The following PPP1R3F variants were observed in gnomAD, a reference collection of about 807,000 sequenced individuals.
PPP1R3F encodes protein phosphatase 1, regulatory (inhibitor) subunit 3F.
A neutral mutation model predicts 24.2 loss-of-function variants in PPP1R3F; 29 were observed. The ratio of observed to expected loss-of-function variants is 1.20; its 90% CI spans 0.89 to 1.63. PPP1R3F has a LOEUF of 1.63. Ranked by LOEUF, PPP1R3F falls within the 40% of genes most tolerant of loss-of-function variation. PPP1R3F has a pLI of 0.00. For missense variants in PPP1R3F, 823 were observed against 729.3 expected (o/e 1.13, Z -1.48); for synonymous variants, 363 against 340.1 (o/e 1.07, Z -0.74).
Position 49,270,071 on chromosome X carries a change from G to A in PPP1R3F, c.202G>A (p.Ala68Thr), listed in dbSNP as rs1299785014. Reference protein sequence around the residue: ...GGPGAGKMAAAAGQDGGGGGG... With the variant: ...GGPGAGKMAATAGQDGGGGGG... ...GCCCGGGGCGGGCAAGATGGCGGCGGCGGCCGGGCAAGATGGCGGCGGCGG... is the reference window on the plus strand; with the variant it reads ...GCCCGGGGCGGGCAAGATGGCGGCGACGGCCGGGCAAGATGGCGGCGGCGG... Residue 68 changes from alanine (A) to threonine (T), a missense_variant, in exon 1 of 4, where the codon GCG becomes ACG. Transcript: ENST00000055335. 2.3e-4 allele frequency: 230 copies of A among 992,474 alleles called. 1 individual carries two copies. Among genetic ancestry groups the A allele is most frequent in the Non-Finnish European group, 2.8e-4 (225 of 792,197 alleles). 81.8% of individuals were successfully genotyped at this position (992,474 alleles called of 1,213,427 possible).
chrX:49,289,340 G>A (rs1423799662), downstream of PPP1R3F, among the ~76,000 whole-genome samples: 1 of 111,608 alleles, frequency 9.0e-6, no homozygotes, highest in Non-Finnish European at 1.9e-5. Flanking sequence ...ACAAAAAGGA[G>A]TGAAAACACA....
intron 3 of PPP1R3F, among the ~76,000 whole-genome samples, chrX:49,294,908 CAA>C (rs58639270): frequency 3.2e-3 from 144 of 45,004 alleles, no homozygotes; most frequent in African/African-American, 8.7e-3. Flanking sequence ...GAATATGTCT[CAA>C]AAAAAAAAAA....
In PPP1R3F at chrX:49,281,388, C is replaced by T; in HGVS notation, c.1005-18C>T. On this transcript the variant is annotated intron_variant, in intron 1 of 3. Coordinates refer to ENST00000055335, the MANE Select transcript of PPP1R3F (RefSeq NM_033215.5). ...CAGGGTATTATTAGATCCATGTACT[C>T]TCTCCTCTGCCCTGCAGGCCTGCCG... The T allele has an allele frequency of 1.7e-6, 2 of 1,191,077 alleles. No individual in the cohort carries two copies. The highest frequency in any genetic ancestry group is 2.3e-6 in the Non-Finnish European group (2 of 879,451).
chrX:49,291,330 C>G (rs2066308436), downstream of PPP1R3F, among the ~76,000 whole-genome samples: 1 of 102,176 alleles, frequency 9.8e-6, no homozygotes, highest in South Asian at 4.7e-4. Flanking sequence ...CTCTCTCTGT[C>G]TCTCTCCTTT....
At chrX:49,291,862 C>T (rs1230405192), downstream of PPP1R3F, among the ~76,000 whole-genome samples, 1 of 110,888 alleles carries the variant, frequency 9.0e-6, no homozygotes, top group African/African-American at 3.3e-5. Context: ...CACCCGCATC[C>T]TACAACCCCT....
chrX:49,301,452 A>G (rs782404916), exon 4 of PPP1R3F: 14 of 564,205 alleles, frequency 2.5e-5, no homozygotes, highest in Middle Eastern at 8.0e-4. Context: ...AAAGCTTTAC[A>G]GCCTTCTGCA....
Position 49,286,891 on chromosome X carries a change from C to A in PPP1R3F, c.2201C>A (p.Pro734Gln). 8.4e-7 allele frequency: 1 copy of A among 1,193,831 alleles called. No homozygotes were observed. Among genetic ancestry groups the A allele is most frequent in the Non-Finnish European group, 1.1e-6 (1 of 886,360 alleles). The part of the protein sequence containing the change: ...VSSQDEKDAG[P>Q]SLEPPKKSPT... Reference sequence around the variant, plus strand: ...TCCCAGGATGAAAAGGATGCAGGCCCAAGCCTTGAACCCCCAAAGAAGTCT... The same window carrying A: ...TCCCAGGATGAAAAGGATGCAGGCCAAAGCCTTGAACCCCCAAAGAAGTCT... The change falls in exon 4 of 4, where the codon CCA (proline) becomes CAA (glutamine). Residue 734 changes from proline to glutamine, a missense_variant. Transcript: ENST00000055335.
At chrX:49,285,770 C>A in intron 3 of PPP1R3F, 64 bp from the exon 4 acceptor site, 1 of 1,046,860 alleles carries the variant, frequency 9.6e-7, no homozygotes, top group Non-Finnish European at 1.3e-6. Context: ...CTGCTTGTTC[C>A]ATCCCCTCCT....
downstream of PPP1R3F, among the ~76,000 whole-genome samples, chrX:49,291,051 A>G (rs782705648): frequency 1.3e-4 from 14 of 111,969 alleles, no homozygotes; most frequent in South Asian, 2.3e-3. Flanking sequence ...CAGTGGCACA[A>G]TCACGGCTCA....
intron 1 of PPP1R3F, chrX:49,281,149 G>T: frequency 3.6e-6 from 1 of 281,103 alleles, no homozygotes; most frequent in Non-Finnish European, 6.2e-6. Context: ...AAATTTTCCA[G>T]AATGGTAACA....
chrX:49,296,705 C>T (rs1403661359), intron 3 of PPP1R3F, among the ~76,000 whole-genome samples: 1 of 111,928 alleles, frequency 8.9e-6, no homozygotes, highest in Non-Finnish European at 1.9e-5. Context: ...CCCAGAGATT[C>T]TGGTACATTG....
intron 1 of PPP1R3F, among the ~76,000 whole-genome samples, chrX:49,276,162 G>C (rs1334026143): frequency 3.5e-5 from 4 of 112,821 alleles, no homozygotes. Flanking sequence ...TAGTGCTCCA[G>C]CTCTTAGCTA....
Position 49,286,006 on chromosome X carries a change from C to A in PPP1R3F, c.1316C>A (p.Ala439Glu). The change falls in exon 4 of 4, where the codon GCG (alanine) becomes GAG (glutamate). Residue 439 changes from alanine (A) to glutamate (E), a missense_variant. Transcript: ENST00000055335. ...SPRDQASGPD[A>E]SEGATGPFLE... ...AGAGACCAGGCCTCAGGGCCCGATGCGAGCGAGGGGGCCACCGGGCCTTTC... is the reference window on the plus strand; with the variant it reads ...AGAGACCAGGCCTCAGGGCCCGATGAGAGCGAGGGGGCCACCGGGCCTTTC... 1 of 1,183,607 alleles carries A rather than the reference C, an allele frequency of 8.4e-7. No homozygotes were observed. The highest frequency in any genetic ancestry group is 1.1e-6 in the Non-Finnish European group (1 of 878,924).
At chrX:49,296,507 C>G (rs1221652680) in intron 3 of PPP1R3F, among the ~76,000 whole-genome samples, 1 of 111,649 alleles carries the variant, frequency 9.0e-6, no homozygotes, top group Non-Finnish European at 1.9e-5. Flanking sequence ...TTTTTCACCT[C>G]TCTGTCTCCT....
chrX:49,299,581 A>G, intron 3 of PPP1R3F, among the ~76,000 whole-genome samples: 1 of 111,952 alleles, frequency 8.9e-6, no homozygotes, highest in Non-Finnish European at 1.9e-5. Flanking sequence ...GCAGGCAGGA[A>G]CATTTAAGTC....
chrX:49,285,560 A>C (rs2066276299), intron 3 of PPP1R3F, among the ~76,000 whole-genome samples: 1 of 111,796 alleles, frequency 8.9e-6, no homozygotes, highest in Admixed American at 9.5e-5. Context: ...TTTAGTGATG[A>C]TCATTCACCA....
chrX:49,272,983 AT>A (rs1557119552), intron 1 of PPP1R3F: 1 of 107,347 alleles, frequency 9.3e-6, no homozygotes, highest in Non-Finnish European at 1.9e-5. Context: ...TTCAGGGCAA[AT>A]TCTGGATTTC....
intron 3 of PPP1R3F, among the ~76,000 whole-genome samples, chrX:49,299,367 T>C (rs2066331376): frequency 8.9e-6 from 1 of 112,033 alleles, no homozygotes; most frequent in African/African-American, 3.2e-5. Context: ...TGCTGCCTTT[T>C]CCTTCCTCTG....
In PPP1R3F at chrX:49,273,395, G is replaced by A. The variant is rs1277825441; in HGVS notation, c.1004+2522G>A. The A allele has an allele frequency of 3.6e-5, 4 of 112,272 alleles. No individual in the cohort carries two copies. The East Asian group carries it at 1.1e-3, about 31-fold the overall frequency. The allele number at this position is 112,272 out of a possible 1,213,427, so 9.3% of individuals were successfully genotyped here. ...GCGGTTTTAAGGAGAAATTGAAGCA[G>A]CCTGTTCAGACAATTGTTTTGGTAT... On this transcript the variant is annotated intron_variant, in intron 1 of 3. Transcript: ENST00000055335.
Sources: allele counts gnomAD v4.1 joint callset (sites outside exome capture counted in the v4.1 genomes callset), GRCh38; gene constraint gnomAD v4.1.1; transcripts MANE v1.5; gene names NCBI Gene and HGNC (gene_info 2026-07-23, HGNC 2026-07-21).